TAFA2: variants seen among roughly 807,000 people sequenced by gnomAD.
TAFA2 encodes TAFA chemokine like family member 2, also known as chemokine-like protein TAFA-2.
TAFA2 carries 7 observed loss-of-function variants against 18.8 expected under a neutral mutation model. The observed-to-expected ratio is 0.37, with a 90% CI of 0.21 to 0.70. The LOEUF (loss-of-function observed/expected upper bound fraction) is 0.70, where lower values mean the gene tolerates loss of function less well. Among genes scored for constraint, TAFA2 ranks in the 30% least tolerant of loss-of-function variants. TAFA2 has a pLI of 0.53. For synonymous variants in TAFA2, 60 were observed against 54.2 expected (o/e 1.11, Z -0.47); for missense variants, 122 against 158.1 (o/e 0.77, Z 1.23).
intron 1 of TAFA2, among the ~76,000 whole-genome samples, chr12:62,072,325 C>T (rs542940158): frequency 1.3e-4 from 20 of 152,034 alleles, no homozygotes; most frequent in African/African-American, 4.3e-4. Context: ...AAAAATTAGC[C>T]GGGCATGGTG....
chr12:61,724,919 A>C (rs557713551), intron 4 of TAFA2, among the ~76,000 whole-genome samples: 13 of 148,642 alleles, frequency 8.7e-5, no homozygotes, highest in African/African-American at 3.2e-4. Context: ...TGGTTGTACT[A>C]GTTTACATTC....
At chr12:61,795,522 C>A (rs1404800366) in intron 2 of TAFA2, among the ~76,000 whole-genome samples, 1 of 151,862 alleles carries the variant, frequency 6.6e-6, no homozygotes, top group Non-Finnish European at 1.5e-5. Context: ...TAGGTGGGAA[C>A]TGAACAATGA....
chr12:62,147,084 TAAAG>T (rs1300706230), intron 1 of TAFA2, among the ~76,000 whole-genome samples: 2 of 151,076 alleles, frequency 1.3e-5, no homozygotes, highest in African/African-American at 4.9e-5. Flanking sequence ...CTCTATTCAA[TAAAG>T]AGTGTTAGGA....
chr12:61,745,676 G>A lies in TAFA2; in HGVS notation c.384+7946C>T, dbSNP rs1321646599. Among the ~76,000 whole-genome samples the A allele has an allele frequency of 8.5e-5, 13 of 152,048 alleles. No homozygotes were observed. The East Asian group carries it at 2.5e-3, about 30-fold the overall frequency. The stretch of plus-strand genomic sequence containing the variant: ...TGCAGAATTCCAAAGATATACTCCC[G>A]AGATTTTCATCCCTTGATTATTCAA... On this transcript the variant is annotated intron_variant, in intron 4 of 4. Transcript: ENST00000416284.
chr12:62,095,991 A>G (rs1868933062), intron 1 of TAFA2, among the ~76,000 whole-genome samples: 1 of 152,130 alleles, frequency 6.6e-6, no homozygotes, highest in Non-Finnish European at 1.5e-5. Context: ...AAACTTTTAC[A>G]AAGACTGATA....
chr12:61,776,842 T>C (rs139034474), intron 2 of TAFA2, among the ~76,000 whole-genome samples: 330 of 152,084 alleles, frequency 2.2e-3, no homozygotes, highest in African/African-American at 7.4e-3. Flanking sequence ...ATATAATTTT[T>C]CTAAAGAATA....
At chr12:62,218,566 T>C (rs539435666) in intron 1 of TAFA2, among the ~76,000 whole-genome samples, 1 of 152,330 alleles carries the variant, frequency 6.6e-6, no homozygotes, top group South Asian at 2.1e-4. Flanking sequence ...ATTCTGAATT[T>C]CATTCACTCA....
chr12:62,143,681 A>G (rs1258939112), intron 1 of TAFA2, among the ~76,000 whole-genome samples: 1 of 151,834 alleles, frequency 6.6e-6, no homozygotes, highest in African/African-American at 2.4e-5. Context: ...ACCCCCCACA[A>G]CCTTATTAAC....
At chr12:61,928,946 G>A (rs964446290) in intron 1 of TAFA2, among the ~76,000 whole-genome samples, 3 of 152,094 alleles carry the variant, frequency 2.0e-5, no homozygotes, top group Non-Finnish European at 4.4e-5. Flanking sequence ...CTCAAAAGTG[G>A]GAGTTGAACA....
At position 61,862,287 on chromosome 12, in the gene TAFA2, C is replaced by A. The variant is rs185930308; in HGVS notation, c.106+5033G>T. Among the ~76,000 whole-genome samples the A allele has an allele frequency of 2.0e-4, 31 of 152,252 alleles. 1 individual carries two copies. The East Asian group carries it at 5.8e-3, about 28-fold the overall frequency. ...GCTGTCACAATACTCTGACTTAATC[C>A]CTTCCAAAATGCCCAGCTCAATATA... On this transcript the variant is annotated intron_variant, in intron 2 of 4. Transcript: ENST00000416284.
At chr12:62,237,856 T>C (rs1268910139) in intron 1 of TAFA2, among the ~76,000 whole-genome samples, 1 of 152,178 alleles carries the variant, frequency 6.6e-6, no homozygotes, top group African/African-American at 2.4e-5. Context: ...ACCCTGATTG[T>C]GTGGGAAGGT....
At chr12:62,241,493 G>A (rs964814078) in intron 1 of TAFA2, among the ~76,000 whole-genome samples, 6 of 152,130 alleles carry the variant, frequency 3.9e-5, no homozygotes, top group East Asian at 1.9e-4. Flanking sequence ...GCATTTATTC[G>A]TTGCACTATA....
chr12:61,752,731 T>C (rs2120752574), intron 4 of TAFA2, among the ~76,000 whole-genome samples: 1 of 152,180 alleles, frequency 6.6e-6, no homozygotes, highest in East Asian at 1.9e-4. Context: ...ATAAGCCTCT[T>C]GTATATGTCT....
At chr12:62,155,084 G>A (rs772388213) in intron 1 of TAFA2, among the ~76,000 whole-genome samples, 1 of 152,086 alleles carries the variant, frequency 6.6e-6, no homozygotes, top group African/African-American at 2.4e-5. Context: ...ACTGATAAAA[G>A]AATTCAGCAA....
chr12:61,811,081 CTT>C (rs951483011), intron 2 of TAFA2, among the ~76,000 whole-genome samples: 5 of 150,856 alleles, frequency 3.3e-5, no homozygotes, highest in African/African-American at 1.2e-4. Flanking sequence ...TGTTATATAA[CTT>C]ATATCTAAAT....
intron 1 of TAFA2, among the ~76,000 whole-genome samples, chr12:61,929,372 G>T (rs1333992386): frequency 6.6e-6 from 1 of 152,044 alleles, no homozygotes; most frequent in African/African-American, 2.4e-5. Flanking sequence ...CTCAAAAGAA[G>T]ACATTTATGC....
intron 2 of TAFA2, among the ~76,000 whole-genome samples, chr12:61,837,941 G>C (rs947115236): frequency 6.6e-6 from 1 of 152,006 alleles, no homozygotes; most frequent in Non-Finnish European, 1.5e-5. Flanking sequence ...TGAGTTGGCA[G>C]TGTGGCTCAC....
chr12:62,014,435 C>A (rs1880863753), intron 1 of TAFA2, among the ~76,000 whole-genome samples: 1 of 152,062 alleles, frequency 6.6e-6, no homozygotes, highest in Admixed American at 6.5e-5. Flanking sequence ...TCAAGACCAG[C>A]CTGGGCAACA....
chr12:61,715,471 C>A (rs1869610882), intron 4 of TAFA2, among the ~76,000 whole-genome samples: 1 of 152,022 alleles, frequency 6.6e-6, no homozygotes, highest in African/African-American at 2.4e-5. Flanking sequence ...GCCTCAGCCT[C>A]CCGAGTAGCT....
Sources: gnomAD v4.1 joint callset for allele counts (sites outside exome capture counted in the v4.1 genomes callset) on GRCh38, gnomAD v4.1.1 for gene constraint, MANE v1.5 for transcripts, NCBI Gene and HGNC (gene_info 2026-07-23, HGNC 2026-07-21) for gene names.